USP7: variants seen among roughly 807,000 people sequenced by gnomAD.
USP7 encodes ubiquitin C-terminal hydrolase 7.
USP7 carries 9 observed loss-of-function variants against 162.9 expected under a neutral mutation model. The ratio of observed to expected loss-of-function variants is 0.06; its 90% CI spans 0.03 to 0.10. The LOEUF (loss-of-function observed/expected upper bound fraction) is 0.10. USP7 is among the 10% of genes least tolerant of loss of function. The probability of loss-of-function intolerance (pLI) is 1.00; values close to 1 mark genes in which losing one functional copy is unlikely to be tolerated. For synonymous variants in USP7, 562 were observed against 475.9 expected (o/e 1.18, Z -2.35); for missense variants, 715 against 1,373.7 (o/e 0.52, Z 7.58).
chr16:8,930,087 G>T (rs968929915), intron 2 of USP7, among the ~76,000 whole-genome samples: 2 of 152,156 alleles, frequency 1.3e-5, no homozygotes, highest in African/African-American at 2.4e-5. Flanking sequence ...CCTTGCCTAG[G>T]CTAGGGAGAC....
intron 2 of USP7, among the ~76,000 whole-genome samples, chr16:8,924,570 G>A (rs935671005): frequency 6.6e-6 from 1 of 152,210 alleles, no homozygotes; most frequent in Non-Finnish European, 1.5e-5. Flanking sequence ...TGGGTAAAGA[G>A]TGCCTAAGAA....
chr16:8,899,103 TCCA>T lies in USP7; in HGVS notation c.2531+15_2531+17del, dbSNP rs746243990. 2.5e-5 allele frequency: 40 copies of T among 1,613,818 alleles called. No individual in the cohort carries two copies. Among genetic ancestry groups the T allele is most frequent in the Non-Finnish European group, 3.4e-5 (40 of 1,179,880 alleles). On this transcript the variant is annotated intron_variant, in intron 23 of 30. Transcript: ENST00000344836. The stretch of plus-strand genomic sequence containing the variant: ...GCATGCAGTCAAGACCAAGCAAGTG[TCCA>T]CACATGTGACCTACCCTTGAGACTT...
chr16:8,902,359 A>G, intron 17 of USP7, 22 bp downstream of exon 17: 1 of 1,611,986 alleles, frequency 6.2e-7, no homozygotes, highest in Non-Finnish European at 8.5e-7. Flanking sequence ...TCCAAACCAG[A>G]TACGCTATTA....
intron 2 of USP7, 65 bp downstream of exon 2, chr16:8,930,228 T>G: frequency 7.8e-7 from 1 of 1,289,026 alleles, no homozygotes; most frequent in Admixed American, 1.9e-5. Flanking sequence ...GTACCAAGCA[T>G]GGATCTGAAC....
intron 1 of USP7, chr16:8,935,961 C>A (rs771199813): frequency 6.6e-6 from 1 of 152,200 alleles, no homozygotes; most frequent in African/African-American, 2.4e-5. Flanking sequence ...CCTGAGATAA[C>A]AGATCAGAAT....
intron 6 of USP7, 110 bp downstream of exon 6, chr16:8,918,921 G>A (rs376287612): frequency 1.6e-5 from 17 of 1,052,324 alleles, no homozygotes; most frequent in African/African-American, 9.4e-5. Context: ...CATCTGAGGA[G>A]ACAGGGCCAG....
intron 15 of USP7, among the ~76,000 whole-genome samples, 165 bp downstream of exon 15, chr16:8,904,270 G>A (rs2061823741): frequency 6.6e-6 from 1 of 152,160 alleles, no homozygotes; most frequent in African/African-American, 2.4e-5. Context: ...TGACCCAAGG[G>A]GTCCCAGAGG....
At chr16:8,924,868 GT>G (rs1395126858) in intron 2 of USP7, among the ~76,000 whole-genome samples, 1 of 152,222 alleles carries the variant, frequency 6.6e-6, no homozygotes. Context: ...ACCCTGCTGA[GT>G]TGCTTACAGC....
chr16:8,952,682 G>C (rs563974686), intron 1 of USP7, among the ~76,000 whole-genome samples: 7 of 152,262 alleles, frequency 4.6e-5, no homozygotes, highest in South Asian at 2.1e-4. Context: ...GCCATGTAAC[G>C]TAACATTTGC....
At position 8,903,744 on chromosome 16, in the gene USP7, G is replaced by A. The variant is rs370496872; in HGVS notation, c.1705-342C>T. Reference sequence around the variant, plus strand: ...TAGCTGGGTGTGGTGGCACATGCCTGTAATCCCAGCTACTAGGAAGGCTGA... The same window carrying A: ...TAGCTGGGTGTGGTGGCACATGCCTATAATCCCAGCTACTAGGAAGGCTGA... On this transcript the variant is annotated intron_variant, in intron 15 of 30. Coordinates refer to ENST00000344836, the MANE Select transcript of USP7 (RefSeq NM_003470.3). Among the ~76,000 whole-genome samples, 28 of 152,048 alleles carry A rather than the reference G, an allele frequency of 1.8e-4. No individual in the cohort carries two copies. The East Asian group carries it at 4.6e-3, about 25-fold the overall frequency.
intron 13 of USP7, among the ~76,000 whole-genome samples, chr16:8,905,782 G>A (rs1555463153): frequency 6.6e-6 from 1 of 152,172 alleles, no homozygotes; most frequent in Non-Finnish European, 1.5e-5. Flanking sequence ...CAAGTTAAGG[G>A]CCAGACTGAA....
intron 6 of USP7, 139 bp from the exon 7 acceptor site, chr16:8,917,295 G>A (rs1037701755): frequency 6.9e-6 from 7 of 1,020,328 alleles, no homozygotes; most frequent in South Asian, 2.2e-5. Flanking sequence ...GGCTTTTAAC[G>A]ATCCCCAAAT....
At chr16:8,906,378 G>A in intron 13 of USP7, 48 bp downstream of exon 13, 1 of 1,588,520 alleles carries the variant, frequency 6.3e-7, no homozygotes, top group South Asian at 1.1e-5. Context: ...CAGAGCTTGT[G>A]TTAACTTTCT....
intron 1 of USP7, chr16:8,949,645 C>G (rs1360756883): frequency 1.3e-5 from 2 of 152,468 alleles, no homozygotes; most frequent in African/African-American, 2.4e-5. Context: ...AGAGTGCAAT[C>G]TTGTTCTTCA....
At chr16:8,942,979 T>C (rs1899115338) in intron 1 of USP7, among the ~76,000 whole-genome samples, 1 of 152,168 alleles carries the variant, frequency 6.6e-6, no homozygotes, top group African/African-American at 2.4e-5. Context: ...TTTCAGGCAC[T>C]GCGGGCCCTG....
intron 1 of USP7, among the ~76,000 whole-genome samples, chr16:8,961,516 G>GGGAA (rs1555472816): frequency 2.0e-5 from 2 of 98,096 alleles, no homozygotes; most frequent in Non-Finnish European, 4.3e-5. Context: ...GGGGGGGGGG[G>GGGAA]CAAATACCTT....
chr16:8,960,179 C>G (rs1299531794), intron 1 of USP7, among the ~76,000 whole-genome samples: 1 of 152,160 alleles, frequency 6.6e-6, no homozygotes, highest in East Asian at 1.9e-4. Flanking sequence ...CCAGCCAGAC[C>G]TAATCATGCC....
chr16:8,931,760 G>A (rs1429261038), intron 1 of USP7, among the ~76,000 whole-genome samples: 2 of 152,176 alleles, frequency 1.3e-5, no homozygotes, highest in African/African-American at 2.4e-5. Context: ...TCTACAAGCA[G>A]AATAATCACA....
At chr16:8,923,129 AGGC>A (rs1436631467) in intron 3 of USP7, 83 bp downstream of exon 3, 11 of 985,922 alleles carry the variant, frequency 1.1e-5, no homozygotes, top group Non-Finnish European at 1.4e-5. Flanking sequence ...TAAAATCAAA[AGGC>A]TATGTAGAGG....
Sources: gnomAD v4.1 joint callset for allele counts (sites outside exome capture counted in the v4.1 genomes callset) on GRCh38, gnomAD v4.1.1 for gene constraint, MANE v1.5 for transcripts, NCBI Gene and HGNC (gene_info 2026-07-23, HGNC 2026-07-21) for gene names.